The following C8orf34 variants were observed in gnomAD, a reference collection of about 807,000 sequenced individuals.
The protein encoded by C8orf34 is chromosome 8 open reading frame 34.
C8orf34 carries 65 observed loss-of-function variants against 68.3 expected under a neutral mutation model. The ratio of observed to expected loss-of-function variants is 0.95; its 90% CI spans 0.78 to 1.17. The LOEUF (loss-of-function observed/expected upper bound fraction) is 1.17. Ranked by LOEUF, C8orf34 falls within the 50% of genes most tolerant of loss-of-function variation. The pLI is 0.00. For synonymous variants in C8orf34, 244 were observed against 241.2 expected (o/e 1.01, Z -0.11); for missense variants, 664 against 655.4 (o/e 1.01, Z -0.14).
chr8:68,641,494 A>G (rs1402595785), intron 8 of C8orf34, among the ~76,000 whole-genome samples: 1 of 152,200 alleles, frequency 6.6e-6, no homozygotes, highest in Non-Finnish European at 1.5e-5. Context: ...CAGACAAGTA[A>G]TATTTGGTGG....
intron 4 of C8orf34, among the ~76,000 whole-genome samples, chr8:68,486,994 G>A (rs1367928779): frequency 1.3e-5 from 2 of 152,226 alleles, no homozygotes; most frequent in Admixed American, 1.3e-4. Context: ...CCCTGCCACA[G>A]TGCTGAAGTT....
At chr8:68,701,736 G>T (rs1489173501) in intron 8 of C8orf34, among the ~76,000 whole-genome samples, 1 of 151,986 alleles carries the variant, frequency 6.6e-6, no homozygotes, top group East Asian at 1.9e-4. Context: ...ACTCTCCAGT[G>T]GCTTCCCATT....
At chr8:68,705,733 GT>G (rs199787844) in intron 8 of C8orf34, among the ~76,000 whole-genome samples, 138 of 151,176 alleles carry the variant, frequency 9.1e-4, no homozygotes, top group Non-Finnish European at 1.3e-3. Context: ...ATTTTTGTGG[GT>G]TTTTTTTTAA....
chr8:68,527,784 C>A (rs116730982), intron 6 of C8orf34, among the ~76,000 whole-genome samples: 1 of 152,120 alleles, frequency 6.6e-6, no homozygotes, highest in Non-Finnish European at 1.5e-5. Flanking sequence ...AGAGGGGCCT[C>A]GGAACCCTAA....
chr8:68,417,228 A>G (rs1809711870), intron 1 of C8orf34, among the ~76,000 whole-genome samples: 1 of 152,190 alleles, frequency 6.6e-6, no homozygotes, highest in African/African-American at 2.4e-5. Context: ...TTCTAAAAAG[A>G]TTAAAAATTA....
At chr8:68,446,629 T>A in intron 3 of C8orf34, 169 bp downstream of exon 3, 1 of 640,690 alleles carries the variant, frequency 1.6e-6, no homozygotes, top group Non-Finnish European at 2.6e-6. Flanking sequence ...CATTCATACG[T>A]ATGTATTTGC....
chr8:68,608,799 C>G (rs916540235), intron 7 of C8orf34, among the ~76,000 whole-genome samples: 1 of 151,954 alleles, frequency 6.6e-6, no homozygotes, highest in East Asian at 1.9e-4. Context: ...GCATTTGCAG[C>G]AATCCAACAG....
intron 10 of C8orf34, among the ~76,000 whole-genome samples, chr8:68,762,624 C>G (rs1339825973): frequency 6.6e-6 from 1 of 152,054 alleles, no homozygotes; most frequent in East Asian, 1.9e-4. Flanking sequence ...TGTAATAAAC[C>G]TCAGTGTTCA....
intron 10 of C8orf34, among the ~76,000 whole-genome samples, chr8:68,771,297 T>C (rs1585857508): frequency 2.0e-5 from 3 of 152,172 alleles, no homozygotes; most frequent in South Asian, 4.1e-4. Context: ...CCTATAGAGG[T>C]TGTCGAGTTC....
chr8:68,774,867 G>T (rs973250153), intron 10 of C8orf34, among the ~76,000 whole-genome samples: 1 of 149,512 alleles, frequency 6.7e-6, no homozygotes, highest in Non-Finnish European at 1.5e-5. Flanking sequence ...GGCACTTTGG[G>T]AGGCTAAGGC....
chr8:68,796,730 AT>A (rs572815942), intron 12 of C8orf34, among the ~76,000 whole-genome samples: 139 of 151,842 alleles, frequency 9.2e-4, no homozygotes, highest in African/African-American at 3.3e-3. Flanking sequence ...CTTCTAAAAT[AT>A]TTACATAATC....
chr8:68,385,401 G>A (rs891680710), intron 1 of C8orf34, among the ~76,000 whole-genome samples: 25 of 152,114 alleles, frequency 1.6e-4, no homozygotes, highest in Admixed American at 1.4e-3. Context: ...AACAGGAATA[G>A]CATTTTTAGT....
chr8:68,331,730 G>C (rs73254833), intron 1 of C8orf34, among the ~76,000 whole-genome samples: 13,101 of 136,364 alleles, frequency 0.096, 700 homozygotes, highest in African/African-American at 0.16. Context: ...TTGAATTCAC[G>C]CTATCTTGAG....
chr8:68,409,710 G>T (rs1809361941), intron 1 of C8orf34, among the ~76,000 whole-genome samples: 1 of 152,122 alleles, frequency 6.6e-6, no homozygotes, highest in Non-Finnish European at 1.5e-5. Flanking sequence ...CTACAGCAGT[G>T]CACAGTCATG....
At chr8:68,451,544 A>G (rs1811345197) in intron 3 of C8orf34, among the ~76,000 whole-genome samples, 1 of 152,010 alleles carries the variant, frequency 6.6e-6, no homozygotes, top group South Asian at 2.1e-4. Context: ...CTAATTTCAA[A>G]ATTGTTGTGT....
At chr8:68,763,803 G>A (rs979873141) in intron 10 of C8orf34, among the ~76,000 whole-genome samples, 5 of 152,128 alleles carry the variant, frequency 3.3e-5, no homozygotes, top group Non-Finnish European at 7.4e-5. Flanking sequence ...ACCAAGCCCT[G>A]CACTAAGTGC....
At chr8:68,602,990 A>C (rs1817743154) in intron 7 of C8orf34, among the ~76,000 whole-genome samples, 1 of 152,114 alleles carries the variant, frequency 6.6e-6, no homozygotes, top group Non-Finnish European at 1.5e-5. Flanking sequence ...AGGCTTCTGC[A>C]ACACCCTATT....
At chr8:68,472,588 G>A (rs1264066185) in intron 4 of C8orf34, among the ~76,000 whole-genome samples, 1 of 151,930 alleles carries the variant, frequency 6.6e-6, no homozygotes, top group Non-Finnish European at 1.5e-5. Context: ...GCCTGCCATA[G>A]ATATTATTAT....
chr8:68,801,457 C>T (rs1301810879), intron 12 of C8orf34, among the ~76,000 whole-genome samples: 5 of 152,168 alleles, frequency 3.3e-5, no homozygotes, highest in Non-Finnish European at 7.4e-5. Context: ...ATTTACCTTC[C>T]ATTCCTACCT....
Sources: gnomAD v4.1 joint callset for allele counts (sites outside exome capture counted in the v4.1 genomes callset) on GRCh38, gnomAD v4.1.1 for gene constraint, MANE v1.5 for transcripts, NCBI Gene and HGNC (gene_info 2026-07-23, HGNC 2026-07-21) for gene names.